CD109: variants seen among roughly 807,000 people sequenced by gnomAD.
The protein encoded by CD109 is CD109 antigen.
A neutral mutation model predicts 165.8 loss-of-function variants in CD109; 149 were observed. The ratio of observed to expected loss-of-function variants is 0.90; its 90% CI spans 0.79 to 1.03. The LOEUF is 1.03. CD109 is among the 50% of genes least tolerant of loss of function. CD109 has a pLI of 0.00. For synonymous variants in CD109, 585 were observed against 592.1 expected, an observed-to-expected ratio of 0.99 and a Z score of 0.18; for missense variants, 1,712 against 1,677.8, an observed-to-expected ratio of 1.02 and a Z score of -0.36.
At chr6:73,736,563 G>A (rs895415049) in intron 5 of CD109, 55 bp downstream of exon 5, 12 of 1,496,012 alleles carry the variant, frequency 8.0e-6, no homozygotes, top group Non-Finnish European at 1.1e-5. Flanking sequence ...ATTAGGTCAG[G>A]TGGGGGAAAA....
intron 8 of CD109, 126 bp downstream of exon 8, chr6:73,762,606 C>G: frequency 1.0e-6 from 1 of 962,174 alleles, no homozygotes; most frequent in Non-Finnish European, 1.6e-6. Context: ...CAGCATTGAA[C>G]AAATGAGAAT....
chr6:73,720,102 T>C (rs557693299), intron 2 of CD109, among the ~76,000 whole-genome samples: 1 of 152,236 alleles, frequency 6.6e-6, no homozygotes, highest in East Asian at 1.9e-4. Flanking sequence ...TCAGTGTCCA[T>C]CAATGGATAA....
intron 5 of CD109, among the ~76,000 whole-genome samples, chr6:73,736,962 G>T (rs1772568810): frequency 6.6e-6 from 1 of 152,040 alleles, no homozygotes; most frequent in African/African-American, 2.4e-5. Context: ...TTTTTCCCTA[G>T]CTTCTACACC....
chr6:73,713,302 T>C lies in CD109; in HGVS notation c.248-9949T>C, dbSNP rs540905882. Among the ~76,000 whole-genome samples, 143 of 152,318 alleles carry C rather than the reference T, an allele frequency of 9.4e-4. 1 individual carries two copies. Among genetic ancestry groups the C allele is most frequent in the South Asian group, 1.2e-3 (6 of 4,828 alleles). On this transcript the variant is annotated intron_variant, in intron 2 of 32. Transcript: ENST00000287097. ...ATGAGACCAGTGAGTAGGCCTTAGA[T>C]TGGATGTGTCCACATATCCTCTGAG...
At chr6:73,785,510 A>G (rs546436255) in intron 20 of CD109, 33 bp downstream of exon 20, 4 of 1,220,800 alleles carry the variant, frequency 3.3e-6, no homozygotes, top group Non-Finnish European at 4.7e-6. Context: ...GATCATTTAC[A>G]CTACAGGAGA....
intron 2 of CD109, among the ~76,000 whole-genome samples, chr6:73,717,959 G>A (rs1021852445): frequency 2.0e-5 from 3 of 151,466 alleles, no homozygotes; most frequent in Admixed American, 6.6e-5. Context: ...CCTGCAACTA[G>A]ACTGAGTTTA....
chr6:73,689,874 T>G, the CD109 span, among the ~76,000 whole-genome samples: 105 of 152,330 alleles, frequency 6.9e-4, no homozygotes, highest in African/African-American at 2.4e-3. Context: ...ATCAGAAATG[T>G]TACAAATGTG....
intron 23 of CD109, among the ~76,000 whole-genome samples, chr6:73,802,305 ATTTTT>A (rs71542232): frequency 5.7e-4 from 27 of 47,608 alleles, no homozygotes; most frequent in Non-Finnish European, 1.1e-3. Context: ...ATATATATAT[ATTTTT>A]TTTTTTTTTT....
chr6:73,810,134 G>A lies in CD109; in HGVS notation c.3506G>A (p.Ser1169Asn), dbSNP rs1312265876. 2 of 1,605,756 alleles carry A rather than the reference G, an allele frequency of 1.2e-6. No homozygotes were observed. Among genetic ancestry groups the A allele is most frequent in the East Asian group, 2.3e-5 (1 of 44,350 alleles). The change falls in exon 27 of 33, where the codon AGC becomes AAC. Residue 1169 changes from serine to asparagine, a missense_variant. Physicochemically the swap from Ser to Asn is conservative, Grantham distance 46. Transcript: ENST00000287097. ...SEGIPIMRWL[S>N]RQRNSLGGFA... ...GGAATCCCAATTATGAGGTGGCTAA[G>A]CAGGCAAAGAAATAGCTTGGGTGGT...
At chr6:73,738,686 G>C (rs745937055) in intron 5 of CD109, among the ~76,000 whole-genome samples, 2 of 152,170 alleles carry the variant, frequency 1.3e-5, no homozygotes, top group Non-Finnish European at 2.9e-5. Flanking sequence ...AAAATGAAAA[G>C]CATTTGCAGG....
At chr6:73,702,536 G>T (rs981544439) in intron 2 of CD109, among the ~76,000 whole-genome samples, 1 of 152,184 alleles carries the variant, frequency 6.6e-6, no homozygotes, top group Non-Finnish European at 1.5e-5. Flanking sequence ...AAGGGTGTAG[G>T]CTTTTCATTC....
rs143781556 is a variant in CD109, at chr6:73,702,163, G to C, written c.247+4591G>C. ...GCCCTAAAATCCTGGAGAGTTAATGGAGTGTTAACCTTTTTTTAAAGATTT... is the reference window on the plus strand; with the variant it reads ...GCCCTAAAATCCTGGAGAGTTAATGCAGTGTTAACCTTTTTTTAAAGATTT... On this transcript the variant is annotated intron_variant, in intron 2 of 32. Transcript: ENST00000287097. Among the ~76,000 whole-genome samples the C allele has an allele frequency of 4.4e-3, 662 of 152,166 alleles. 5 individuals carry two copies. Among genetic ancestry groups the C allele is most frequent in the South Asian group, 0.024 (115 of 4,816 alleles).
chr6:73,705,643 GA>G (rs1391242338), intron 2 of CD109, among the ~76,000 whole-genome samples: 224 of 152,012 alleles, frequency 1.5e-3, no homozygotes, highest in African/African-American at 5.1e-3. Flanking sequence ...GAAAAGAAAA[GA>G]AAAGAAAAGA....
intron 20 of CD109, 48 bp downstream of exon 20, chr6:73,785,525 C>A: frequency 1.8e-6 from 2 of 1,098,966 alleles, no homozygotes; most frequent in South Asian, 2.8e-5. Flanking sequence ...AGGAGAAAAT[C>A]GAGGTAGCAT....
chr6:73,757,546 A>G (rs1351925516), intron 6 of CD109, among the ~76,000 whole-genome samples: 2 of 152,220 alleles, frequency 1.3e-5, no homozygotes, highest in East Asian at 1.9e-4. Context: ...CATGCTGGTC[A>G]TAGTTTGCTG....
chr6:73,711,957 A>G (rs1771554157), intron 2 of CD109, among the ~76,000 whole-genome samples: 2 of 152,162 alleles, frequency 1.3e-5, no homozygotes, highest in Non-Finnish European at 2.9e-5. Flanking sequence ...CAAATAGTGT[A>G]TGTTGTATCC....
Position 73,728,295 on chromosome 6 carries a change from G to A in CD109, c.277-2049G>A, listed in dbSNP as rs148664210. Among the ~76,000 whole-genome samples, 311 of 152,184 alleles carry A rather than the reference G, an allele frequency of 2.0e-3. 1 individual carries two copies. The highest frequency in any genetic ancestry group is 7.2e-3 in the African/African-American group (298 of 41,514). On this transcript the variant is annotated intron_variant, in intron 3 of 32. Transcript: ENST00000287097. ...ACTGCACTCCAGCCTGGGCAACAGA[G>A]CAAGAGTTCGTCTCAAAACAAAACA...
At chr6:73,727,647 T>C (rs1052482550) in intron 3 of CD109, among the ~76,000 whole-genome samples, 4 of 152,200 alleles carry the variant, frequency 2.6e-5, no homozygotes, top group Non-Finnish European at 1.5e-5. Flanking sequence ...AATAGGCTTC[T>C]TTAGCTCTAG....
chr6:73,717,507 A>G (rs2150162580), intron 2 of CD109, among the ~76,000 whole-genome samples: 1 of 151,626 alleles, frequency 6.6e-6, no homozygotes, highest in African/African-American at 2.4e-5. Context: ...TGATCAAGTT[A>G]ATGCCTGGGT....
Sources: allele counts gnomAD v4.1 joint callset (sites outside exome capture counted in the v4.1 genomes callset), GRCh38; gene constraint gnomAD v4.1.1; transcripts MANE v1.5; gene names NCBI Gene and HGNC (gene_info 2026-07-23, HGNC 2026-07-21).